The following NDUFA9 variants were observed in gnomAD, a reference collection of about 807,000 sequenced individuals.
NDUFA9 encodes NADH:ubiquinone oxidoreductase subunit A9.
In NDUFA9, 23 loss-of-function variants were observed where a neutral mutation model predicts 45.9. That is an observed-to-expected ratio of 0.50 (90% CI 0.36 to 0.71). NDUFA9 has a LOEUF of 0.71. Among genes scored for constraint, NDUFA9 ranks in the 30% least tolerant of loss-of-function variants. The pLI, the probability that NDUFA9 is intolerant of heterozygous loss-of-function variation, is 0.00. For synonymous variants in NDUFA9, 176 were observed against 170.5 expected (o/e 1.03, Z -0.25); for missense variants, 466 against 488.2 (o/e 0.95, Z 0.43).
At chr12:4,681,215 C>T (rs1016368650) in intron 8 of NDUFA9, among the ~76,000 whole-genome samples, 2 of 152,014 alleles carry the variant, frequency 1.3e-5, no homozygotes, top group African/African-American at 4.8e-5. Flanking sequence ...AATTTTCTAA[C>T]TATGAATCCA....
rs749771150 is a variant in NDUFA9 at position 4,691,088 on chromosome 12, C to T, written c.*3980C>T. 6.6e-6 allele frequency: 1 copy of T among 152,182 alleles called. No homozygotes were observed. The highest frequency in any genetic ancestry group is 1.5e-5 in the Non-Finnish European group (1 of 68,058). The allele number at this position is 152,182 out of a possible 1,614,324, so 9.4% of individuals were successfully genotyped here. A position where few individuals can be genotyped will look rare whatever the true frequency, so the allele number is the denominator to read the frequency against. On this transcript the variant is annotated 3_prime_UTR_variant, in exon 11 of 11. Coordinates refer to ENST00000266544, the MANE Select transcript of NDUFA9 (RefSeq NM_005002.5). ...GATTTGGCTTCGAATATGAGTTCCA[C>T]TACTTCTTAGTTGTGAGATTGGACA... is the stretch of plus-strand genomic sequence containing the variant.
intron 3 of NDUFA9, 35 bp from the exon 4 acceptor site, chr12:4,657,713 C>T (rs1361710824): frequency 2.7e-6 from 4 of 1,503,142 alleles, no homozygotes; most frequent in Non-Finnish European, 3.7e-6. Context: ...AGGTATACCC[C>T]TATGTTTTCA....
chr12:4,673,644 A>C (rs1945901458), intron 8 of NDUFA9, among the ~76,000 whole-genome samples: 2 of 152,218 alleles, frequency 1.3e-5, no homozygotes, highest in South Asian at 4.1e-4. Flanking sequence ...AGTGAAAAGA[A>C]ATGAACAAAA....
intron 9 of NDUFA9, 35 bp from the exon 10 acceptor site, chr12:4,685,224 C>G: frequency 6.4e-7 from 1 of 1,560,988 alleles, no homozygotes; most frequent in South Asian, 1.1e-5. Context: ...CAGAGAGATG[C>G]TTATCACATG....
chr12:4,678,703 A>C (rs1945935280), intron 8 of NDUFA9, among the ~76,000 whole-genome samples: 1 of 152,200 alleles, frequency 6.6e-6, no homozygotes, highest in Non-Finnish European at 1.5e-5. Context: ...AAGATGCTCC[A>C]TATCATTAGT....
At chr12:4,671,582 A>G (rs1945887348) in intron 8 of NDUFA9, among the ~76,000 whole-genome samples, 1 of 152,128 alleles carries the variant, frequency 6.6e-6, no homozygotes, top group South Asian at 2.1e-4. Flanking sequence ...ACTTTTTTGC[A>G]GAAGTTGATA....
At chr12:4,677,778 A>G (rs1044505951) in intron 8 of NDUFA9, among the ~76,000 whole-genome samples, 4 of 152,226 alleles carry the variant, frequency 2.6e-5, no homozygotes, top group African/African-American at 9.6e-5. Flanking sequence ...CAGTAATCCC[A>G]TTACTGAGTA....
In NDUFA9 at chr12:4,657,748, G is replaced by A. The variant is rs1163562371; in HGVS notation, c.319G>A (p.Glu107Lys). 2 of 1,610,800 alleles carry A rather than the reference G, an allele frequency of 1.2e-6. No individual in the cohort carries two copies. Among genetic ancestry groups the A allele is most frequent in the Non-Finnish European group, 1.7e-6 (2 of 1,177,528 alleles). The change falls in exon 4 of 11, where the codon GAA becomes AAA. Residue 107 changes from glutamate to lysine, a missense_variant and splice_region_variant. Coordinates refer to ENST00000266544, the MANE Select transcript of NDUFA9 (RefSeq NM_005002.5). ...ATCCGATTGCTTTCTGCTATTATAG[G>A]AATGGGACGCGAGAGATAAAGATTC... ...MGDLGQLLFL[E>K]WDARDKDSIR... is the part of the protein sequence containing the mutation.
At chr12:4,673,876 C>T (rs1449831555) in intron 8 of NDUFA9, among the ~76,000 whole-genome samples, 3 of 152,058 alleles carry the variant, frequency 2.0e-5, no homozygotes, top group Non-Finnish European at 2.9e-5. Flanking sequence ...TCACATTCAC[C>T]AAGGCTGAAA....
At chr12:4,675,397 A>G (rs1480894424) in intron 8 of NDUFA9, among the ~76,000 whole-genome samples, 2 of 151,938 alleles carry the variant, frequency 1.3e-5, no homozygotes, top group South Asian at 2.1e-4. Context: ...TTTCAACAAC[A>G]TAGATAGACT....
intron 7 of NDUFA9, chr12:4,668,830 G>A (rs887980643): frequency 1.5e-5 from 5 of 340,904 alleles, no homozygotes; most frequent in African/African-American, 4.2e-5. Context: ...TCAGTCTGAG[G>A]CAGATAAATA....
chr12:4,655,018 C>A, intron 3 of NDUFA9, 96 bp downstream of exon 3: 1 of 961,710 alleles, frequency 1.0e-6, no homozygotes, highest in Non-Finnish European at 1.6e-6. Context: ...TAATTTCTTC[C>A]CAGAATGGAC....
chr12:4,687,088 G>A lies in NDUFA9; in HGVS notation c.1114G>A (p.Ala372Thr), dbSNP rs1945992073. Residue 372 changes from alanine to threonine, a missense_variant, in exon 11 of 11, where the codon GCC becomes ACC. Ala to Thr is a moderately conservative substitution (Grantham distance 58). Coordinates refer to ENST00000266544, the MANE Select transcript of NDUFA9 (RefSeq NM_005002.5). ...LSAEIEDVKP[A>T]KTVNI is the part of the protein sequence containing the mutation. Reference sequence around the variant, plus strand: ...TGCTGAAATTGAGGATGTGAAGCCGGCCAAGACCGTCAACATTTAGTGCCT... The same window carrying A: ...TGCTGAAATTGAGGATGTGAAGCCGACCAAGACCGTCAACATTTAGTGCCT... The A allele has an allele frequency of 1.2e-6, 2 of 1,613,988 alleles. No individual in the cohort carries two copies. The highest frequency in any genetic ancestry group is 1.3e-5 in the African/African-American group (1 of 74,910).
At chr12:4,668,405 C>A in intron 6 of NDUFA9, 52 bp from the exon 7 acceptor site, 3 of 1,381,140 alleles carry the variant, frequency 2.2e-6, no homozygotes, top group South Asian at 1.2e-5. Context: ...ACTGTTGGAT[C>A]TTACAGCAAT....
chr12:4,685,323 C>T lies in NDUFA9; in HGVS notation c.961C>T (p.Arg321Trp), dbSNP rs530981804. Residue 321 changes from arginine to tryptophan, a missense_variant and splice_region_variant, in exon 10 of 11, where the codon CGG becomes TGG. Arg to Trp is a moderately radical substitution (Grantham distance 101, BLOSUM62 -3). Coordinates refer to ENST00000266544, the MANE Select transcript of NDUFA9 (RefSeq NM_005002.5). ...EPWITRDKVE[R>W]MHITDMKLPH... Reference sequence around the variant, plus strand: ...CTGGATAACAAGGGATAAAGTGGAGCGGGTGAGTACATGTGTGGAAAGCGT... The same window carrying T: ...CTGGATAACAAGGGATAAAGTGGAGTGGGTGAGTACATGTGTGGAAAGCGT... The T allele has an allele frequency of 2.0e-5, 32 of 1,612,892 alleles. No individual in the cohort carries two copies. The highest frequency in any genetic ancestry group is 2.0e-4 in the South Asian group (18 of 91,038).
At chr12:4,685,387 T>C (rs374521526) in intron 10 of NDUFA9, 62 bp downstream of exon 10, 97 of 1,471,494 alleles carry the variant, frequency 6.6e-5, no homozygotes, top group Middle Eastern at 1.8e-4. Context: ...CTTATTTTGC[T>C]TTGCCTGCTT....
rs551095211 is a variant in NDUFA9, at chr12:4,664,853, A to G, written c.655+2218A>G. On this transcript the variant is annotated intron_variant, in intron 6 of 10. Coordinates refer to ENST00000266544, the MANE Select transcript of NDUFA9 (RefSeq NM_005002.5). ...GTGTTTTTATTAGATTCTAAAATCT[A>G]ATAGAATTTACCTTGCTAAGTTTTG... 3.3e-5 allele frequency among the ~76,000 whole-genome samples: 5 copies of G among 152,342 alleles called. No individual in the cohort carries two copies. The East Asian group carries it at 9.6e-4, about 29-fold the overall frequency.
intron 8 of NDUFA9, among the ~76,000 whole-genome samples, chr12:4,675,250 A>G (rs984970588): frequency 6.6e-6 from 1 of 152,226 alleles, no homozygotes; most frequent in Non-Finnish European, 1.5e-5. Context: ...CATCACATTT[A>G]AAAGAACTAG....
intron 7 of NDUFA9, among the ~76,000 whole-genome samples, chr12:4,669,225 A>C (rs959614485): frequency 6.6e-6 from 1 of 152,254 alleles, no homozygotes; most frequent in Non-Finnish European, 1.5e-5. Context: ...TGACAACTGA[A>C]AATGACTCTA....
Sources: allele counts gnomAD v4.1 joint callset (sites outside exome capture counted in the v4.1 genomes callset), GRCh38; gene constraint gnomAD v4.1.1; transcripts MANE v1.5; gene names NCBI Gene and HGNC (gene_info 2026-07-23, HGNC 2026-07-21).